ZNF248: variants seen among roughly 807,000 people sequenced by gnomAD.
ZNF248 encodes the protein KRAB protein domain.
ZNF248 carries 20 observed loss-of-function variants against 44.3 expected under a neutral mutation model. The observed-to-expected ratio is 0.45, with a 90% CI of 0.32 to 0.66. The LOEUF is 0.66. Among genes scored for constraint, ZNF248 ranks in the 30% least tolerant of loss-of-function variants. ZNF248 has a pLI of 0.04. For missense variants in ZNF248, 654 were observed against 677.0 expected (o/e 0.97, Z 0.38); for synonymous variants, 224 against 229.0 (o/e 0.98, Z 0.20).
At chr10:37,790,270 CAAA>C (rs35082361) in intron 6 of ZNF248, among the ~76,000 whole-genome samples, 6 of 90,984 alleles carry the variant, frequency 6.6e-5, no homozygotes, top group Non-Finnish European at 4.4e-5. Context: ...GACTCTGTGT[CAAA>C]AAAAAAAAAA....
chr10:37,788,160 G>A (rs1057002412), intron 6 of ZNF248, among the ~76,000 whole-genome samples: 2 of 151,216 alleles, frequency 1.3e-5, no homozygotes, highest in African/African-American at 4.9e-5. Context: ...AGCTACTCAG[G>A]AGGCTGAGGC....
intron 6 of ZNF248, among the ~76,000 whole-genome samples, chr10:37,822,269 C>T (rs900214931): frequency 3.9e-5 from 6 of 152,110 alleles, no homozygotes; most frequent in South Asian, 2.1e-4. Context: ...CCACAAACTG[C>T]GTATCAATTT....
At chr10:37,835,293 CAA>C (rs1357490488) in intron 5 of ZNF248, among the ~76,000 whole-genome samples, 1 of 152,028 alleles carries the variant, frequency 6.6e-6, no homozygotes, top group Non-Finnish European at 1.5e-5. Context: ...ACAATAGGAA[CAA>C]AGAGACTGGT....
At chr10:37,760,859 A>G in the ZNF248 span, among the ~76,000 whole-genome samples, 1 of 152,198 alleles carries the variant, frequency 6.6e-6, no homozygotes, top group African/African-American at 2.4e-5. Context: ...TATTATAAAG[A>G]CATACTAAAA....
At chr10:37,785,836 A>T (rs1470858162) in intron 6 of ZNF248, among the ~76,000 whole-genome samples, 1 of 152,238 alleles carries the variant, frequency 6.6e-6, no homozygotes, top group African/African-American at 2.4e-5. Flanking sequence ...ATTGGTAAAT[A>T]GATTGATTGG....
rs2054977269 is a variant in ZNF248 at position 37,829,244 on chromosome 10, T to A, written c.*2371A>T. The stretch of plus-strand genomic sequence containing the variant: ...AGTTCTTACTGGGCTCTGGTAACAC[T>A]GTTTCCCTCCTTGCCCTTCAAGGCT... On this transcript the variant is annotated 3_prime_UTR_variant, in exon 6 of 6. Transcript: ENST00000395867. 1.0e-6 allele frequency: 1 copy of A among 985,366 alleles called. No individual in the cohort carries two copies. The highest frequency in any genetic ancestry group is 1.2e-6 in the Non-Finnish European group (1 of 829,966). The allele number at this position is 985,366 out of a possible 1,614,324, so 61.0% of individuals were successfully genotyped here. A position where few individuals can be genotyped will look rare whatever the true frequency, so the allele number is the denominator to read the frequency against.
At chr10:37,792,803 C>G (rs924357298) in intron 6 of ZNF248, among the ~76,000 whole-genome samples, 3 of 152,126 alleles carry the variant, frequency 2.0e-5, no homozygotes, top group Non-Finnish European at 4.4e-5. Flanking sequence ...TTGAAAAAGA[C>G]AGAAAAACTG....
Position 37,832,366 on chromosome 10 carries a change from C to G in ZNF248, c.989G>C (p.Ser330Thr), listed in dbSNP as rs778152191. Residue 330 changes from serine to threonine, a missense_variant, in exon 6 of 6, where the codon AGT becomes ACT. Physicochemically the swap from Ser to Thr is moderately conservative, Grantham distance 58. Transcript: ENST00000395867. ...AGCTGACTTTTCCCAGGTTTTGTCA[C>G]TCACTTTATATTCACGGAGAATCTT... The part of the protein sequence containing the change: ...TRKILREYKV[S>T]DKTWEKSALL... 2 of 1,613,904 alleles carry G rather than the reference C, an allele frequency of 1.2e-6. No individual in the cohort carries two copies. The highest frequency in any genetic ancestry group is 1.1e-5 in the South Asian group (1 of 91,086).
chr10:37,828,335 T>C (rs2054725903), downstream of ZNF248, among the ~76,000 whole-genome samples: 1 of 152,222 alleles, frequency 6.6e-6, no homozygotes, highest in African/African-American at 2.4e-5. Flanking sequence ...CCTATTTTGA[T>C]TTTTCTTTAT....
intron 3 of ZNF248, among the ~76,000 whole-genome samples, chr10:37,852,415 C>T (rs1241056167): frequency 6.6e-6 from 1 of 152,058 alleles, no homozygotes; most frequent in Non-Finnish European, 1.5e-5. Flanking sequence ...CTGTAGCATT[C>T]TTGAAAGGAC....
rs144812953 is a variant in ZNF248, at chr10:37,790,164, G to A, written c.331-13589C>T. On this transcript the variant is annotated intron_variant, in intron 6 of 6. Coordinates refer to the ZNF248 transcript ENST00000615949. ...CAGGTGCCTGCAGTCCCAACTACTC[G>A]GCAGGCTGAGGCAGGAGAATGGCGT... Among the ~76,000 whole-genome samples the A allele has an allele frequency of 6.6e-3, 1,001 of 151,444 alleles. 16 individuals carry two copies. The highest frequency in any genetic ancestry group is 0.06 in the South Asian group (286 of 4,796).
chr10:37,824,042 A>G (rs1456677194), downstream of ZNF248, among the ~76,000 whole-genome samples: 6 of 152,188 alleles, frequency 3.9e-5, no homozygotes, highest in Admixed American at 3.9e-4. Context: ...CTTTATGATA[A>G]GGAATTGGCT....
At chr10:37,820,689 G>C (rs561729080) in intron 6 of ZNF248, 3 of 1,373,194 alleles carry the variant, frequency 2.2e-6, no homozygotes, top group African/African-American at 2.9e-5. Flanking sequence ...TTTTTCTCGG[G>C]AGTCTCTACT....
chr10:37,845,154 T>C (rs2059110047), intron 3 of ZNF248, among the ~76,000 whole-genome samples: 1 of 151,798 alleles, frequency 6.6e-6, no homozygotes. Flanking sequence ...CCTGAGGAGC[T>C]GGGACTCCAG....
Position 37,844,011 on chromosome 10 carries a change from A to G in ZNF248, c.16-5900T>C, listed in dbSNP as rs573388368. ...ATGGGGAGAAAGATTACTCAAAGAAATAAGGGCTAAAAACTGCCCAAATTC... is the reference window on the plus strand; with the variant it reads ...ATGGGGAGAAAGATTACTCAAAGAAGTAAGGGCTAAAAACTGCCCAAATTC... On this transcript the variant is annotated intron_variant, in intron 3 of 5. Transcript: ENST00000395867. 2.0e-5 allele frequency among the ~76,000 whole-genome samples: 3 copies of G among 152,332 alleles called. No individual in the cohort carries two copies. In the South Asian group the frequency reaches 6.2e-4, roughly 32 times the overall value.
intron 6 of ZNF248, chr10:37,819,881 G>A: frequency 1.3e-6 from 1 of 778,094 alleles, no homozygotes; most frequent in South Asian, 1.3e-5. Flanking sequence ...CTTTTCTGAT[G>A]CTTGATAAGA....
chr10:37,793,905 C>G (rs2048843549), intron 6 of ZNF248, among the ~76,000 whole-genome samples: 1 of 152,090 alleles, frequency 6.6e-6, no homozygotes, highest in African/African-American at 2.4e-5. Context: ...ACGTTAAGAT[C>G]CCTAAAAATG....
downstream of ZNF248, among the ~76,000 whole-genome samples, chr10:37,826,674 T>C (rs1233375761): frequency 3.3e-5 from 5 of 152,234 alleles, no homozygotes; most frequent in African/African-American, 1.2e-4. Flanking sequence ...TATCAATTCA[T>C]CTACAGTTAA....
downstream of ZNF248, among the ~76,000 whole-genome samples, chr10:37,773,929 C>G (rs1341244049): frequency 6.6e-6 from 1 of 152,016 alleles, no homozygotes; most frequent in East Asian, 1.9e-4. Context: ...CTGGCCTGCC[C>G]TACAAATTTT....
Sources: gnomAD v4.1 joint callset for allele counts (sites outside exome capture counted in the v4.1 genomes callset) on GRCh38, gnomAD v4.1.1 for gene constraint, MANE v1.5 for transcripts, NCBI Gene and HGNC (gene_info 2026-07-23, HGNC 2026-07-21) for gene names.